PGBD5: variants seen among roughly 807,000 people sequenced by gnomAD.
PGBD5 encodes the protein piggyBac transposable element derived 5.
PGBD5 carries 14 observed loss-of-function variants against 47.9 expected under a neutral mutation model. That is an observed-to-expected ratio of 0.29 (90% CI 0.19 to 0.46). The LOEUF (loss-of-function observed/expected upper bound fraction) is 0.46, where lower values mean the gene tolerates loss of function less well. Ranked by LOEUF, PGBD5 falls within the 20% of genes least tolerant of loss-of-function variation. PGBD5 has a pLI of 1.00. For missense variants in PGBD5, 635 were observed against 716.0 expected, an observed-to-expected ratio of 0.89 and a Z score of 1.29; for synonymous variants, 316 against 306.3, an observed-to-expected ratio of 1.03 and a Z score of -0.33.
At chr1:230,374,180 A>C (rs1253880871) in intron 1 of PGBD5, among the ~76,000 whole-genome samples, 3 of 152,196 alleles carry the variant, frequency 2.0e-5, no homozygotes, top group Non-Finnish European at 4.4e-5. Context: ...GCACTTTGGG[A>C]GGCCGAGGTG....
At chr1:230,326,139 T>C (rs558195276) in intron 5 of PGBD5, among the ~76,000 whole-genome samples, 1 of 152,346 alleles carries the variant, frequency 6.6e-6, no homozygotes, top group African/African-American at 2.4e-5. Flanking sequence ...AAAAGGAGGC[T>C]GCGCACGGTG....
At chr1:230,416,959 T>C (rs1200889923) in intron 1 of PGBD5, among the ~76,000 whole-genome samples, 1 of 152,176 alleles carries the variant, frequency 6.6e-6, no homozygotes, top group Non-Finnish European at 1.5e-5. Context: ...GGTGATGCTG[T>C]CTTGGCTACG....
intron 1 of PGBD5, among the ~76,000 whole-genome samples, chr1:230,385,265 G>A (rs1405081412): frequency 6.6e-6 from 1 of 152,142 alleles, no homozygotes; most frequent in African/African-American, 2.4e-5. Context: ...ACAGATGCTT[G>A]GTAATTACAA....
At chr1:230,382,128 C>T (rs1300170927) in intron 1 of PGBD5, among the ~76,000 whole-genome samples, 1 of 152,202 alleles carries the variant, frequency 6.6e-6, no homozygotes, top group Non-Finnish European at 1.5e-5. Flanking sequence ...TGGTTACTGC[C>T]TACTGCAGTT....
At position 230,328,733 on chromosome 1, in the gene PGBD5, C is replaced by T. The variant is rs150071252; in HGVS notation, c.1274-3318G>A. ...GTGGCTTGACTGACATTCCTGCTAC[C>T]TTTCTGCAAATTTAAGTGAATGAAT... On this transcript the variant is annotated intron_variant, in intron 5 of 6. Coordinates refer to ENST00000391860, the MANE Select transcript of PGBD5 (RefSeq NM_001258311.2). Among the ~76,000 whole-genome samples, 36 of 152,312 alleles carry T rather than the reference C, an allele frequency of 2.4e-4. No homozygotes were observed. The East Asian group carries it at 6.6e-3, about 28-fold the overall frequency.
rs541747499 is a variant in PGBD5 at position 230,316,033 on chromosome 1, CATAAGT to C, written c.*7386_*7391del. 0.075 allele frequency: 9,444 copies of C among 125,146 alleles called. 1,636 individuals are homozygous for C. Among genetic ancestry groups the C allele is most frequent in the African/African-American group, 0.19 (6,342 of 32,740 alleles). 7.8% of individuals were successfully genotyped at this position (125,146 alleles called of 1,614,324 possible). On this transcript the variant is annotated 3_prime_UTR_variant, in exon 7 of 7. Transcript: ENST00000391860. ...ACACATATATGTATGTGTATACATA[CATAAGT>C]ATATGTGTACACATATATGTATGTG... is the stretch of plus-strand genomic sequence containing the variant.
chr1:230,382,578 G>A (rs116617180), intron 1 of PGBD5, among the ~76,000 whole-genome samples: 82 of 152,316 alleles, frequency 5.4e-4, no homozygotes, highest in African/African-American at 1.9e-3. Context: ...CAGAACAAAG[G>A]GGTTTCCTTA....
chr1:230,405,551 G>A (rs1462521322), intron 1 of PGBD5, among the ~76,000 whole-genome samples: 3 of 152,196 alleles, frequency 2.0e-5, no homozygotes, highest in African/African-American at 7.2e-5. Flanking sequence ...CCAGTTAACA[G>A]TAGTCTGTTA....
intron 1 of PGBD5, among the ~76,000 whole-genome samples, chr1:230,411,871 A>G (rs897843571): frequency 1.3e-5 from 2 of 152,240 alleles, no homozygotes; most frequent in Non-Finnish European, 2.9e-5. Flanking sequence ...TAGGAATAAT[A>G]GCAACAAATG....
chr1:230,328,635 ATG>A (rs1208193671), intron 5 of PGBD5, among the ~76,000 whole-genome samples: 1 of 152,174 alleles, frequency 6.6e-6, no homozygotes, highest in African/African-American at 2.4e-5. Flanking sequence ...TGTCTCTGTG[ATG>A]TTCAAGATCG....
chr1:230,337,010 T>G, intron 4 of PGBD5, 98 bp downstream of exon 4: 1 of 1,347,844 alleles, frequency 7.4e-7, no homozygotes, highest in Non-Finnish European at 1.0e-6. Context: ...CTGTGGTTTG[T>G]GGTGGCCACC....
chr1:230,319,184 G>A lies in PGBD5; in HGVS notation c.*4241C>T, dbSNP rs1015713319. On this transcript the variant is annotated 3_prime_UTR_variant, in exon 7 of 7. Coordinates refer to ENST00000391860, the MANE Select transcript of PGBD5 (RefSeq NM_001258311.2). ...AACCATTGCACCACTCCATCTGGGC[G>A]TGGTGACAGTCCATGCCTAACCCAC... The A allele has an allele frequency of 2.6e-5, 4 of 152,222 alleles. No individual in the cohort carries two copies. Among genetic ancestry groups the A allele is most frequent in the South Asian group, 4.1e-4 (2 of 4,832 alleles). The allele number at this position is 152,222 out of a possible 1,614,324, so 9.4% of individuals were successfully genotyped here. A position where few individuals can be genotyped will look rare whatever the true frequency, so the allele number is the denominator to read the frequency against.
chr1:230,381,852 T>C (rs1247179740), intron 1 of PGBD5, among the ~76,000 whole-genome samples: 1 of 152,074 alleles, frequency 6.6e-6, no homozygotes, highest in Non-Finnish European at 1.5e-5. Context: ...GATCACTGCA[T>C]GCTGTGCCCT....
intron 1 of PGBD5, among the ~76,000 whole-genome samples, chr1:230,396,243 TCC>T (rs1558210772): frequency 6.6e-5 from 1 of 15,264 alleles, no homozygotes; most frequent in Non-Finnish European, 1.1e-4. Context: ...CCCACACTCC[TCC>T]CTTTTACCCC....
intron 2 of PGBD5, among the ~76,000 whole-genome samples, chr1:230,353,803 T>C (rs773744041): frequency 2.0e-5 from 3 of 152,210 alleles, no homozygotes; most frequent in Non-Finnish European, 4.4e-5. Flanking sequence ...AGCTGAATGT[T>C]CCAGGGTCCA....
At chr1:230,419,495 C>T (rs1657600758) in intron 1 of PGBD5, among the ~76,000 whole-genome samples, 1 of 152,180 alleles carries the variant, frequency 6.6e-6, no homozygotes, top group Non-Finnish European at 1.5e-5. Flanking sequence ...AGACTCCAAA[C>T]CTCAGCATCA....
At chr1:230,394,211 G>C (rs1000715851) in intron 1 of PGBD5, among the ~76,000 whole-genome samples, 4 of 151,930 alleles carry the variant, frequency 2.6e-5, no homozygotes, top group African/African-American at 7.3e-5. Context: ...CTGAGGACCA[G>C]GGCAAAGCAT....
chr1:230,360,893 A>C (rs930376509), intron 1 of PGBD5, among the ~76,000 whole-genome samples: 7 of 152,176 alleles, frequency 4.6e-5, no homozygotes, highest in African/African-American at 1.7e-4. Context: ...CTTCCCAGGT[A>C]TTACCCATGT....
intron 1 of PGBD5, among the ~76,000 whole-genome samples, chr1:230,400,311 A>T (rs1657105695): frequency 6.6e-6 from 1 of 152,180 alleles, no homozygotes. Context: ...ACCCTATTTA[A>T]TTCTGCAACA....
Sources: allele counts gnomAD v4.1 joint callset (sites outside exome capture counted in the v4.1 genomes callset), GRCh38; gene constraint gnomAD v4.1.1; transcripts MANE v1.5; gene names NCBI Gene and HGNC (gene_info 2026-07-23, HGNC 2026-07-21).